The following PLAGL1 variants were observed in gnomAD, a reference collection of about 807,000 sequenced individuals.
The protein encoded by PLAGL1 is zinc finger protein PLAGL1.
A neutral mutation model predicts 4.6 loss-of-function variants in PLAGL1; 1 was observed. That is an observed-to-expected ratio of 0.22 (90% CI 0.08 to 1.03). The LOEUF (loss-of-function observed/expected upper bound fraction) is 1.03. Ranked by LOEUF, PLAGL1 falls within the 50% of genes least tolerant of loss-of-function variation. The pLI is 0.58. For missense variants in PLAGL1, 464 were observed against 570.4 expected (o/e 0.81, Z 1.90); for synonymous variants, 240 against 237.8 (o/e 1.01, Z -0.08).
At chr6:144,042,677 G>T (rs1344292037) in intron 1 of PLAGL1, among the ~76,000 whole-genome samples, 1 of 152,144 alleles carries the variant, frequency 6.6e-6, no homozygotes, top group Non-Finnish European at 1.5e-5. Flanking sequence ...GGTTCCATAT[G>T]AACTTTAAAG....
At chr6:144,003,225 T>G (rs547917741) in intron 1 of PLAGL1, among the ~76,000 whole-genome samples, 64 of 152,256 alleles carry the variant, frequency 4.2e-4, no homozygotes, top group Non-Finnish European at 7.8e-4. Context: ...AAATAAATCT[T>G]GATCCCCCCC....
chr6:144,040,837 A>G (rs1797671749), intron 1 of PLAGL1, among the ~76,000 whole-genome samples: 1 of 152,242 alleles, frequency 6.6e-6, no homozygotes, highest in African/African-American at 2.4e-5. Context: ...AGATCAGACC[A>G]CTGCACTCCA....
rs1799206307 is a variant in PLAGL1 at position 144,059,144 on chromosome 6, G to A, written c.-151+5324C>T. The stretch of plus-strand genomic sequence containing the variant: ...TGGAAATATAGGTGGAAGCTGCCAA[G>A]CCTCCTTCATTCCTGCATTCCATGC... On this transcript the variant is annotated intron_variant, in intron 1 of 3. Transcript: ENST00000437412. The surrounding 1 kb of genome is among the most constrained non-coding windows in gnomAD (Gnocchi z 4.9). Among the ~76,000 whole-genome samples the A allele has an allele frequency of 1.3e-5, 2 of 152,216 alleles. No individual in the cohort carries two copies. The highest frequency in any genetic ancestry group is 1.3e-4 in the Admixed American group (2 of 15,290).
intron 7 of PLAGL1, among the ~76,000 whole-genome samples, chr6:143,946,410 C>T (rs1024087755): frequency 8.5e-5 from 13 of 152,190 alleles, no homozygotes; most frequent in African/African-American, 2.4e-4. Flanking sequence ...GCTTACCCTC[C>T]GCACACGCAA....
intron 1 of PLAGL1, among the ~76,000 whole-genome samples, chr6:144,060,524 C>T (rs532402969): frequency 1.6e-4 from 25 of 152,214 alleles, no homozygotes; most frequent in African/African-American, 5.8e-4. Context: ...GTTAAAAATG[C>T]TGAATTGGAA....
Position 143,965,049 on chromosome 6 carries a change from A to C in PLAGL1, c.-430-231T>G, listed in dbSNP as rs1018217836. The C allele has an allele frequency of 6.6e-6, 1 of 152,172 alleles. No homozygotes were observed. The highest frequency in any genetic ancestry group is 2.4e-5 in the African/African-American group (1 of 41,418). The allele number at this position is 152,172 out of a possible 1,614,324, so 9.4% of individuals were successfully genotyped here. ...ACGGAGCGGGATGGCTGATTTCCAT[A>C]AGATGGAAATGATTGCATGCTGGAA... On this transcript the variant is annotated intron_variant, in intron 4 of 7. Transcript: ENST00000674357. The surrounding 1 kb of genome is among the most constrained non-coding windows in gnomAD (Gnocchi z 7.5).
chr6:144,017,674 G>C (rs1795657289), intron 1 of PLAGL1, among the ~76,000 whole-genome samples: 1 of 152,142 alleles, frequency 6.6e-6, no homozygotes, highest in Non-Finnish European at 1.5e-5. Flanking sequence ...CAATAGCCTA[G>C]TCTTAGAATT....
At chr6:143,977,470 C>CTTTTTTT (rs34750629) in intron 2 of PLAGL1, among the ~76,000 whole-genome samples, 67 of 69,302 alleles carry the variant, frequency 9.7e-4, no homozygotes, top group African/African-American at 2.3e-3. Flanking sequence ...TCTTCTTCTT[C>CTTTTTTT]TTTTTTTTTT....
chr6:143,969,667 C>T (rs964451637), intron 2 of PLAGL1, among the ~76,000 whole-genome samples: 1 of 151,268 alleles, frequency 6.6e-6, no homozygotes, highest in Non-Finnish European at 1.5e-5. Flanking sequence ...TTTTTAAGAG[C>T]GTCAACTAAG....
Position 144,016,355 on chromosome 6 carries a change from G to C in PLAGL1, c.-150-47377C>G, listed in dbSNP as rs1170921315. Among the ~76,000 whole-genome samples the C allele has an allele frequency of 1.3e-5, 2 of 152,154 alleles. No individual in the cohort carries two copies. Among genetic ancestry groups the C allele is most frequent in the African/African-American group, 4.8e-5 (2 of 41,426 alleles). On this transcript the variant is annotated intron_variant, in intron 1 of 3. Transcript: ENST00000437412. This position sits in a 1 kb window ranked among gnomAD's most constrained non-coding sequence, Gnocchi z 4.2. ...TTTTTCTGCCTGCCTTACATTCGCT[G>C]GCACCTGACTAGATTATGCCCACCA...
chr6:144,043,677 T>C (rs1024164826), intron 1 of PLAGL1, among the ~76,000 whole-genome samples: 2 of 152,212 alleles, frequency 1.3e-5, no homozygotes, highest in African/African-American at 4.8e-5. Context: ...GGTATCAGGA[T>C]GATGCTGGCC....
At position 144,027,107 on chromosome 6, in the gene PLAGL1, C is replaced by A. The variant is rs1796395510; in HGVS notation, c.-151+37361G>T. ...GCCGCGGTGGCATGCATCTGTGATC[C>A]CAGCTACTCAGGAGGCTGAGGTGGG... On this transcript the variant is annotated intron_variant, in intron 1 of 3. Transcript: ENST00000437412. The surrounding 1 kb of genome is among the most constrained non-coding windows in gnomAD (Gnocchi z 5.8). 1.3e-5 allele frequency among the ~76,000 whole-genome samples: 2 copies of A among 151,730 alleles called. No individual in the cohort carries two copies. Among genetic ancestry groups the A allele is most frequent in the Admixed American group, 6.6e-5 (1 of 15,218 alleles).
rs757664610 is a variant in PLAGL1, at chr6:143,942,025, G to A, written c.791C>T (p.Thr264Ile). 4.4e-6 allele frequency: 7 copies of A among 1,599,536 alleles called. No individual in the cohort carries two copies. The highest frequency in any genetic ancestry group is 4.0e-5 in the African/African-American group (3 of 74,534). The change falls in exon 8 of 8, where the codon ACC (threonine) becomes ATC (isoleucine). Residue 264 changes from threonine to isoleucine, a missense_variant. Around this residue, in one of 4 missense-constraint regions of PLAGL1, gnomAD observed 248 missense variants for 250.1 expected, o/e 0.99. Coordinates refer to ENST00000674357, the MANE Select transcript of PLAGL1 (RefSeq NM_001317162.2). The surrounding 1 kb of genome is among the most constrained non-coding windows in gnomAD (Gnocchi z 7.6). ...GGCGGCTTGTTCTGGGGGACTGAGG[G>A]TGAGGCTATGGACCTCAGCTGGCAA... The part of the protein sequence containing the change: ...SSLPAEVHSL[T>I]LSPPEQAAQP...
In PLAGL1 at chr6:143,957,480, T is replaced by A. The variant is rs1255197138; in HGVS notation, c.-325+2989A>T. On this transcript the variant is annotated intron_variant, in intron 6 of 7. Transcript: ENST00000674357. This position sits in a 1 kb window ranked among gnomAD's most constrained non-coding sequence, Gnocchi z 4.2. ...CTCGCCTTTAGGCCCTTTTAGGGTC[T>A]GCTTCTATAGCTGATGGCGGTGATC... is the stretch of plus-strand genomic sequence containing the variant. 6.6e-6 allele frequency among the ~76,000 whole-genome samples: 1 copy of A among 152,238 alleles called. No individual in the cohort carries two copies. The highest frequency in any genetic ancestry group is 6.5e-5 in the Admixed American group (1 of 15,282).
intron 1 of PLAGL1, among the ~76,000 whole-genome samples, chr6:144,026,750 C>T (rs541184668): frequency 6.6e-6 from 1 of 152,326 alleles, no homozygotes; most frequent in South Asian, 2.1e-4. Flanking sequence ...TGCTCAAGAT[C>T]TGTTAGTGCT....
rs1188564991 is a variant in PLAGL1 at position 143,941,051 on chromosome 6, A to G, written c.*373T>C. ...TTCTCCCAGATTTGGAGAAATCCAA[A>G]CCTTTCCATAGTTCCCTTACTAGGC... On this transcript the variant is annotated 3_prime_UTR_variant, in exon 8 of 8. Transcript: ENST00000674357. The surrounding 1 kb of genome is among the most constrained non-coding windows in gnomAD (Gnocchi z 6.0). 6.2e-6 allele frequency: 1 copy of G among 160,886 alleles called. No homozygotes were observed. The highest frequency in any genetic ancestry group is 2.4e-5 in the African/African-American group (1 of 41,796). 10.0% of individuals were successfully genotyped at this position (160,886 alleles called of 1,614,324 possible). A position where few individuals can be genotyped will look rare whatever the true frequency, so the allele number is the denominator to read the frequency against.
rs1345823533 is a variant in PLAGL1, at chr6:143,963,218, C to G, written c.-399+1569G>C. On this transcript the variant is annotated intron_variant, in intron 5 of 7. Transcript: ENST00000674357. This position sits in a 1 kb window ranked among gnomAD's most constrained non-coding sequence, Gnocchi z 6.1. ...TCCCTGGGGGACCCCATGCACAACC[C>G]AAGGTTACAATTACTCCTTGAAGTC... Among the ~76,000 whole-genome samples, 1 of 152,178 alleles carries G rather than the reference C, an allele frequency of 6.6e-6. No homozygotes were observed. The highest frequency in any genetic ancestry group is 2.4e-5 in the African/African-American group (1 of 41,440).
chr6:143,991,976 A>G (rs189007023), intron 1 of PLAGL1, among the ~76,000 whole-genome samples: 1 of 152,332 alleles, frequency 6.6e-6, no homozygotes, highest in Non-Finnish European at 1.5e-5. Flanking sequence ...CATGTTCTAG[A>G]GGTACAGGCT....
Position 143,997,487 on chromosome 6 carries a change from T to TA in PLAGL1, c.-584+10602dup, listed in dbSNP as rs1294246963. ...ATAGATGCATCAACACAGATGACTC[T>TA]AAAAAATTTACGCTGAATAAAAGCC... On this transcript the variant is annotated intron_variant, in intron 1 of 7. Coordinates refer to ENST00000674357, the MANE Select transcript of PLAGL1 (RefSeq NM_001317162.2). This position sits in a 1 kb window ranked among gnomAD's most constrained non-coding sequence, Gnocchi z 4.6. Among the ~76,000 whole-genome samples, 2 of 152,176 alleles carry TA rather than the reference T, an allele frequency of 1.3e-5. No individual in the cohort carries two copies. Among genetic ancestry groups the TA allele is most frequent in the African/African-American group, 2.4e-5 (1 of 41,442 alleles).
Sources: allele counts gnomAD v4.1 joint callset (sites outside exome capture counted in the v4.1 genomes callset), GRCh38; gene constraint gnomAD v4.1.1; regional missense constraint gnomAD v4.1.1; non-coding constraint Gnocchi (gnomAD v3.1); transcripts MANE v1.5; gene names NCBI Gene and HGNC (gene_info 2026-07-23, HGNC 2026-07-21).